Variants in NBAS observed in about 807,000 individuals in gnomAD.
NBAS encodes NAG/BC035112 fusion.
Under a neutral mutation model 302.5 loss-of-function variants are expected in NBAS, and 219 were observed. That is an observed-to-expected ratio of 0.72 (90% CI 0.65 to 0.81). NBAS has a LOEUF of 0.81. Ranked by LOEUF, NBAS falls within the 30% of genes least tolerant of loss-of-function variation. The pLI is 0.00. For missense variants in NBAS, 2,932 were observed against 2,841.6 expected, an observed-to-expected ratio of 1.03 and a Z score of -0.72; for synonymous variants, 1,118 against 1,021.6, an observed-to-expected ratio of 1.09 and a Z score of -1.80.
chr2:15,373,399 T>C (rs1001330055), intron 31 of NBAS, among the ~76,000 whole-genome samples: 3 of 152,044 alleles, frequency 2.0e-5, no homozygotes, highest in Middle Eastern at 3.2e-3. Flanking sequence ...AGCGTGATCA[T>C]GGCTTACTGC....
intron 44 of NBAS, among the ~76,000 whole-genome samples, chr2:15,265,117 A>C (rs1669020511): frequency 6.6e-6 from 1 of 152,172 alleles, no homozygotes; most frequent in African/African-American, 2.4e-5. Flanking sequence ...AACTTACTAA[A>C]GGTAAGACAT....
the NBAS span, among the ~76,000 whole-genome samples, chr2:14,931,675 C>T: frequency 6.6e-6 from 1 of 152,156 alleles, no homozygotes; most frequent in Non-Finnish European, 1.5e-5. Flanking sequence ...TACTCGGCAC[C>T]ATGAGCTTAT....
intron 7 of NBAS, among the ~76,000 whole-genome samples, chr2:15,537,742 C>T (rs1446945167): frequency 1.3e-5 from 2 of 152,194 alleles, no homozygotes; most frequent in Admixed American, 1.3e-4. Context: ...AAGCCTGAGT[C>T]TAACCACTTC....
chr2:14,879,731 G>C, the NBAS span, among the ~76,000 whole-genome samples: 1 of 152,082 alleles, frequency 6.6e-6, no homozygotes, highest in African/African-American at 2.4e-5. Flanking sequence ...ACAAACTTTA[G>C]TATTTATGTA....
the NBAS span, among the ~76,000 whole-genome samples, chr2:15,147,658 G>A: frequency 6.6e-6 from 1 of 152,028 alleles, no homozygotes; most frequent in African/African-American, 2.4e-5. Flanking sequence ...CTAATTTGTA[G>A]CTAATTGATT....
chr2:15,553,980 C>T (rs1260607803), intron 4 of NBAS, 81 bp downstream of exon 4: 9 of 1,229,584 alleles, frequency 7.3e-6, no homozygotes, highest in Non-Finnish European at 1.1e-5. Context: ...CTGAAAGCCA[C>T]AAGCATTCCA....
the NBAS span, among the ~76,000 whole-genome samples, chr2:14,875,964 A>G: frequency 8.5e-5 from 13 of 152,222 alleles, no homozygotes; most frequent in Non-Finnish European, 1.5e-4. Flanking sequence ...AGTTGGGGCT[A>G]CAGTTTGATT....
intron 40 of NBAS, among the ~76,000 whole-genome samples, chr2:15,293,952 T>C (rs1337326648): frequency 6.6e-6 from 1 of 152,226 alleles, no homozygotes; most frequent in Non-Finnish European, 1.5e-5. Flanking sequence ...AGTCCTACTC[T>C]CAAAACCACA....
At chr2:15,161,501 C>T in the NBAS span, among the ~76,000 whole-genome samples, 10 of 152,152 alleles carry the variant, frequency 6.6e-5, no homozygotes, top group Admixed American at 3.9e-4. Context: ...GCATGGAGAA[C>T]GCTAAGTAAC....
the NBAS span, among the ~76,000 whole-genome samples, chr2:14,839,681 G>A: frequency 6.6e-6 from 1 of 151,894 alleles, no homozygotes; most frequent in Admixed American, 6.6e-5. Flanking sequence ...CATTACTACA[G>A]CCAAGGCAAA....
At chr2:15,025,835 G>T in the NBAS span, among the ~76,000 whole-genome samples, 1 of 152,158 alleles carries the variant, frequency 6.6e-6, no homozygotes, top group Non-Finnish European at 1.5e-5. Context: ...CTTCAATAAA[G>T]TTGCTTATCA....
At chr2:14,888,112 C>A in the NBAS span, among the ~76,000 whole-genome samples, 3 of 151,668 alleles carry the variant, frequency 2.0e-5, no homozygotes, top group Non-Finnish European at 4.4e-5. Context: ...CTGAGAAGAA[C>A]GTTTTATCCC....
chr2:15,149,196 G>A, the NBAS span, among the ~76,000 whole-genome samples: 3 of 152,158 alleles, frequency 2.0e-5, no homozygotes, highest in African/African-American at 7.2e-5. Flanking sequence ...TACCACAGGA[G>A]TGGGCTTCTG....
At chr2:15,437,809 A>C (rs1284257909) in intron 21 of NBAS, among the ~76,000 whole-genome samples, 5 of 152,258 alleles carry the variant, frequency 3.3e-5, no homozygotes, top group Admixed American at 3.3e-4. Flanking sequence ...AAACACAAAA[A>C]TAGACCAGAA....
At chr2:14,853,640 T>C in the NBAS span, among the ~76,000 whole-genome samples, 2 of 91,400 alleles carry the variant, frequency 2.2e-5, no homozygotes, top group Admixed American at 2.1e-4. Flanking sequence ...TATTGCGGCA[T>C]TATTCACAAT....
At chr2:15,139,932 C>A in the NBAS span, among the ~76,000 whole-genome samples, 1 of 152,164 alleles carries the variant, frequency 6.6e-6, no homozygotes, top group East Asian at 1.9e-4. Flanking sequence ...TCTAATGTGA[C>A]TTTGACATTC....
At chr2:14,817,536 A>C in the NBAS span, among the ~76,000 whole-genome samples, 4 of 152,206 alleles carry the variant, frequency 2.6e-5, no homozygotes, top group Non-Finnish European at 1.5e-5. Context: ...TGGCAACCCC[A>C]GTAAAAGTAT....
chr2:15,112,266 T>C, the NBAS span, among the ~76,000 whole-genome samples: 3 of 151,760 alleles, frequency 2.0e-5, no homozygotes, highest in African/African-American at 7.3e-5. Context: ...ATTTAAAAAA[T>C]TGCTTTTAGA....
intron 50 of NBAS, 97 bp downstream of exon 50, chr2:15,186,645 A>G: frequency 1.3e-6 from 2 of 1,561,668 alleles, no homozygotes; most frequent in African/African-American, 1.4e-5. Flanking sequence ...TACTTAAGCT[A>G]AATGTTCCTC....
Sources: gnomAD v4.1 joint callset for allele counts (sites outside exome capture counted in the v4.1 genomes callset) on GRCh38, gnomAD v4.1.1 for gene constraint, MANE v1.5 for transcripts, NCBI Gene and HGNC (gene_info 2026-07-23, HGNC 2026-07-21) for gene names.